The following SLC34A2 variants were observed in gnomAD, a reference collection of about 807,000 sequenced individuals.
SLC34A2 encodes the protein sodium-dependent phosphate transport protein 2B.
Under a neutral mutation model 50.8 loss-of-function variants are expected in SLC34A2, and 41 were observed. The observed-to-expected ratio is 0.81, with a 90% CI of 0.63 to 1.05. The LOEUF is 1.05. Ranked by LOEUF, SLC34A2 falls within the 50% of genes least tolerant of loss-of-function variation. The pLI is 0.00. For synonymous variants in SLC34A2, 401 were observed against 364.2 expected (o/e 1.10, Z -1.15); for missense variants, 879 against 876.7 (o/e 1.00, Z -0.03).
chr4:25,674,354 C>A lies in SLC34A2; in HGVS notation c.1275C>A (p.Gly425=). 6.2e-7 allele frequency: 1 copy of A among 1,614,206 alleles called. No individual in the cohort carries two copies. The highest frequency in any genetic ancestry group is 8.5e-7 in the Non-Finnish European group (1 of 1,180,034). The part of the protein sequence containing the change: ...TGYLAILVGA[G]MTFIVQSSSV... Reference sequence around the variant, plus strand: ...ACCTGGCCATCCTCGTCGGGGCAGGCATGACCTTCATCGTACAGAGCAGCT... The same window carrying A: ...ACCTGGCCATCCTCGTCGGGGCAGGAATGACCTTCATCGTACAGAGCAGCT... Residue 425 remains glycine (G), a synonymous_variant, in exon 11 of 13, where the codon GGC becomes GGA. Transcript: ENST00000382051.
rs754838041 is a variant in SLC34A2 at position 25,664,218 on chromosome 4, G to T, written c.267G>T (p.Gly89=). The T allele has an allele frequency of 1.4e-5, 22 of 1,613,338 alleles. No homozygotes were observed. Among genetic ancestry groups the T allele is most frequent in the Non-Finnish European group, 1.9e-5 (22 of 1,179,620 alleles). The change falls in exon 4 of 13, where the codon GGG becomes GGT. Residue 89 remains glycine (G), a synonymous_variant. Coordinates refer to ENST00000382051, the MANE Select transcript of SLC34A2 (RefSeq NM_006424.3). ...GIKWSERDTK[G]KILCFFQGIG... ...CCCCTGCAGAGAGAGACACCAAAGG[G>T]AAGATTCTCTGTTTCTTCCAAGGGA...
At chr4:25,674,715 T>A in intron 12 of SLC34A2, 86 bp downstream of exon 12, 2 of 1,569,180 alleles carry the variant, frequency 1.3e-6, no homozygotes. Context: ...GAGCCAGGCT[T>A]TTCTCTGTAC....
rs1714122707 is a variant in SLC34A2, at chr4:25,660,540, T to C, written c.-3-1958T>C. Among the ~76,000 whole-genome samples the C allele has an allele frequency of 2.6e-5, 4 of 152,342 alleles. No individual in the cohort carries two copies. The South Asian group carries it at 8.3e-4, about 32-fold the overall frequency. On this transcript the variant is annotated intron_variant, in intron 1 of 12. Transcript: ENST00000382051. ...AGTTGTCACTGTTTTAGTTTGAATA[T>C]ATGGGATTGCTTCTGTTTTTTTGAG...
At chr4:25,673,599 C>T (rs1714941466) in intron 10 of SLC34A2, among the ~76,000 whole-genome samples, 1 of 152,080 alleles carries the variant, frequency 6.6e-6, no homozygotes, top group African/African-American at 2.4e-5. Context: ...TGTCTGCCCT[C>T]GCCCCCACCT....
chr4:25,672,549 C>G (rs1162417584), intron 9 of SLC34A2, among the ~76,000 whole-genome samples: 2 of 152,216 alleles, frequency 1.3e-5, no homozygotes, highest in Admixed American at 6.5e-5. Flanking sequence ...CACCCTCCCA[C>G]CACATTAATT....
intron 3 of SLC34A2, among the ~76,000 whole-genome samples, 169 bp downstream of exon 3, chr4:25,663,011 G>A (rs1388623851): frequency 1.3e-5 from 2 of 151,528 alleles, no homozygotes; most frequent in Non-Finnish European, 2.9e-5. Context: ...GTCTTGCTCT[G>A]TCACCCAGGC....
rs1374299739 is a variant in SLC34A2, at chr4:25,676,582, C to T, written c.1906C>T (p.Pro636Ser). The T allele has an allele frequency of 6.2e-7, 1 of 1,612,890 alleles. No homozygotes were observed. The highest frequency in any genetic ancestry group is 1.1e-5 in the South Asian group (1 of 91,056). Residue 636 changes from proline to serine, a missense_variant, in exon 13 of 13, where the codon CCC becomes TCC. By Grantham distance (74) the Pro-to-Ser change is moderately conservative (BLOSUM62 -1). Transcript: ENST00000382051. Reference protein sequence around the residue: ...CRACCLLCDCPKCCRCSKCCE... With the variant: ...CRACCLLCDCSKCCRCSKCCE... The stretch of plus-strand genomic sequence containing the variant: ...CGCGTGCTGCTTGCTGTGTGACTGC[C>T]CCAAGTGCTGCCGCTGCAGCAAGTG...
intron 12 of SLC34A2, 152 bp from the exon 13 acceptor site, chr4:25,675,983 C>T: frequency 8.1e-7 from 1 of 1,232,594 alleles, no homozygotes; most frequent in Non-Finnish European, 1.1e-6. Context: ...AATCCAGGTA[C>T]CCTCTGGGCT....
At position 25,678,661 on chromosome 4, in the gene SLC34A2, G is replaced by A. The variant is rs1337497152; in HGVS notation, c.*1912G>A. Reference sequence around the variant, plus strand: ...CTCCCAAAGTGCTGAGATCACAGGCGTGAGCCACCACCAGGCCTGATTGTA... The same window carrying A: ...CTCCCAAAGTGCTGAGATCACAGGCATGAGCCACCACCAGGCCTGATTGTA... On this transcript the variant is annotated 3_prime_UTR_variant, in exon 13 of 13. Transcript: ENST00000382051. 8 of 393,596 alleles carry A rather than the reference G, an allele frequency of 2.0e-5. No individual in the cohort carries two copies. In the East Asian group the frequency reaches 3.0e-4, roughly 15 times the overall value. The allele number at this position is 393,596 out of a possible 1,614,324, so 24.4% of individuals were successfully genotyped here.
rs374467761 is a variant in SLC34A2, at chr4:25,662,747, C to G, written c.155C>G (p.Pro52Arg). ...EAPVTKIELL[P>R]SYSTATLIDE... ...CCTGTAACCAAGATTGAACTTCTGC[C>G]GTCCTACTCCACGGCTACACTGATA... is the stretch of plus-strand genomic sequence containing the variant. The change falls in exon 3 of 13, where the codon CCG (proline) becomes CGG (arginine). Residue 52 changes from proline (P) to arginine (R), a missense_variant. Pro to Arg is a moderately radical substitution (Grantham distance 103, BLOSUM62 -2). Transcript: ENST00000382051. 6 of 1,613,972 alleles carry G rather than the reference C, an allele frequency of 3.7e-6. No homozygotes were observed. The highest frequency in any genetic ancestry group is 5.1e-6 in the Non-Finnish European group (6 of 1,180,030).
chr4:25,671,498 C>G, intron 8 of SLC34A2, 103 bp from the exon 9 acceptor site: 1 of 1,410,110 alleles, frequency 7.1e-7, no homozygotes, highest in South Asian at 1.2e-5. Context: ...ATACTGCATG[C>G]ACCATGGGTG....
rs5856917 is a variant in SLC34A2, at chr4:25,676,909, T to TG, written c.*162dup. On this transcript the variant is annotated 3_prime_UTR_variant, in exon 13 of 13. Transcript: ENST00000382051. ...CCTAACTCGATTCCCTTTGGCTTGG[T>TG]GGTAGGCCTGCAGGGCACTTTTATT... The TG allele has an allele frequency of 0.85, 830,190 of 975,556 alleles. 355,660 individuals are homozygous for TG. Among genetic ancestry groups the TG allele is most frequent in the East Asian group, 1 (37,564 of 37,592 alleles). The allele number at this position is 975,556 out of a possible 1,614,324, so 60.4% of individuals were successfully genotyped here.
intron 6 of SLC34A2, 77 bp downstream of exon 6, chr4:25,668,068 G>C: frequency 1.1e-6 from 1 of 899,834 alleles, no homozygotes; most frequent in Non-Finnish European, 1.8e-6. Context: ...CTTTTAACCA[G>C]CCAAAGATGA....
At chr4:25,667,238 C>G (rs6838829) in intron 5 of SLC34A2, 2,992 of 153,460 alleles carry the variant, frequency 0.019, 89 homozygotes, top group African/African-American at 0.066. Flanking sequence ...CTGGCTGGGC[C>G]TAGTGGCTCA....
In SLC34A2 at chr4:25,676,156, T is replaced by A; in HGVS notation, c.1480T>A (p.Phe494Ile). Residue 494 changes from phenylalanine (F) to isoleucine (I), a missense_variant, in exon 13 of 13, where the codon TTC (phenylalanine) becomes ATC (isoleucine). By Grantham distance (21) the Phe-to-Ile change is conservative (BLOSUM62 0). Transcript: ENST00000382051. ...SLQIALCHFF[F>I]NISGILLWYP... Reference sequence around the variant, plus strand: ...GCAGATCGCCCTGTGCCACTTTTTCTTCAACATCTCCGGCATCTTGCTGTG... The same window carrying A: ...GCAGATCGCCCTGTGCCACTTTTTCATCAACATCTCCGGCATCTTGCTGTG... 3.1e-6 allele frequency: 5 copies of A among 1,614,140 alleles called. No homozygotes were observed. Among genetic ancestry groups the A allele is most frequent in the Non-Finnish European group, 4.2e-6 (5 of 1,180,044 alleles).
chr4:25,677,401 G>T lies in SLC34A2; in HGVS notation c.*652G>T. On this transcript the variant is annotated 3_prime_UTR_variant, in exon 13 of 13. Transcript: ENST00000382051. ...TCACTTGCAGTTTCCTTGTCCTCAT[G>T]CTTCGGGGATGGGAGCCACGCCTGA... 1 of 153,038 alleles carries T rather than the reference G, an allele frequency of 6.5e-6. No individual in the cohort carries two copies. The allele number at this position is 153,038 out of a possible 1,614,324, so 9.5% of individuals were successfully genotyped here.
At position 25,669,735 on chromosome 4, in the gene SLC34A2, G is replaced by C; in HGVS notation, c.724G>C (p.Glu242Gln). ...CGTGGAGGTGGCCACCCATTACCTC[G>C]AGATCATAACCCAGCTTATAGTGGA... is the stretch of plus-strand genomic sequence containing the variant. ...LPVEVATHYL[E>Q]IITQLIVESF... is the part of the protein sequence containing the mutation. The change falls in exon 7 of 13, where the codon GAG becomes CAG. Residue 242 changes from glutamate to glutamine, a missense_variant. Transcript: ENST00000382051. The C allele has an allele frequency of 6.2e-7, 1 of 1,614,140 alleles. No homozygotes were observed. The highest frequency in any genetic ancestry group is 1.1e-5 in the South Asian group (1 of 91,074).
intron 1 of SLC34A2, among the ~76,000 whole-genome samples, chr4:25,657,135 A>C (rs944651389): frequency 6.6e-6 from 1 of 152,206 alleles, no homozygotes; most frequent in Non-Finnish European, 1.5e-5. Context: ...TGCCCCATCC[A>C]AAACTCCCCA....
At chr4:25,675,901 G>GT (rs559379668) in intron 12 of SLC34A2, among the ~76,000 whole-genome samples, 2 of 152,162 alleles carry the variant, frequency 1.3e-5, no homozygotes, top group South Asian at 2.1e-4. Context: ...TCTGTAGAGT[G>GT]TTTTTTGAGA....
Sources: allele counts gnomAD v4.1 joint callset (sites outside exome capture counted in the v4.1 genomes callset), GRCh38; gene constraint gnomAD v4.1.1; transcripts MANE v1.5; gene names NCBI Gene and HGNC (gene_info 2026-07-23, HGNC 2026-07-21).